Variants in DERA observed in about 807,000 individuals in gnomAD.
DERA encodes 2-deoxy-D-ribose 5-phosphate aldolase.
A neutral mutation model predicts 41.1 loss-of-function variants in DERA; 15 were observed. The observed-to-expected ratio is 0.37, with a 90% CI of 0.24 to 0.56. The LOEUF (loss-of-function observed/expected upper bound fraction) is 0.56, where lower values mean the gene tolerates loss of function less well. DERA is among the 20% of genes least tolerant of loss of function. DERA has a pLI of 0.81. For missense variants in DERA, 396 were observed against 403.4 expected, an observed-to-expected ratio of 0.98 and a Z score of 0.16; for synonymous variants, 139 against 137.4, an observed-to-expected ratio of 1.01 and a Z score of -0.08.
At position 15,983,268 on chromosome 12, in the gene DERA, A is replaced by G. The variant is rs1332822787; in HGVS notation, c.637+832A>G. 6.6e-6 allele frequency among the ~76,000 whole-genome samples: 1 copy of G among 151,954 alleles called. No homozygotes were observed. Among genetic ancestry groups the G allele is most frequent in the Non-Finnish European group, 1.5e-5 (1 of 67,998 alleles). On this transcript the variant is annotated intron_variant, in intron 6 of 8. Transcript: ENST00000428559. This position sits in a 1 kb window ranked among gnomAD's most constrained non-coding sequence, Gnocchi z 6.2. The stretch of plus-strand genomic sequence containing the variant: ...TGGTTTCCCTTCATCTTTATGGTAA[A>G]GTGTACATTCCTTGATTCTTATTTT...
intron 1 of DERA, among the ~76,000 whole-genome samples, chr12:15,934,447 G>A (rs1262855149): frequency 6.6e-6 from 1 of 152,166 alleles, no homozygotes; most frequent in Non-Finnish European, 1.5e-5. Context: ...TTAGCTGTGC[G>A]TGGTGGTGGG....
rs1198362992 is a variant in DERA at position 15,918,213 on chromosome 12, G to T, written c.31+6799G>T. Among the ~76,000 whole-genome samples the T allele has an allele frequency of 6.6e-6, 1 of 152,162 alleles. No individual in the cohort carries two copies. Among genetic ancestry groups the T allele is most frequent in the Admixed American group, 6.5e-5 (1 of 15,280 alleles). On this transcript the variant is annotated intron_variant, in intron 1 of 8. Transcript: ENST00000428559. The surrounding 1 kb of genome is among the most constrained non-coding windows in gnomAD (Gnocchi z 4.3). The stretch of plus-strand genomic sequence containing the variant: ...TGCCTTCCTCATCCCGCTGGTGCTT[G>T]GTCCCCCACAGCAGGCTGCTGCCTA...
chr12:15,976,451 C>T lies in DERA; in HGVS notation c.509-5857C>T, dbSNP rs1475474333. On this transcript the variant is annotated intron_variant, in intron 5 of 8. Transcript: ENST00000428559. The surrounding 1 kb of genome is among the most constrained non-coding windows in gnomAD (Gnocchi z 4.1). ...TTGCCATGATGTAGCAACATGCAGG[C>T]CAAGAATTTCTCTAGGCCCCAGTGA... Among the ~76,000 whole-genome samples, 1 of 152,088 alleles carries T rather than the reference C, an allele frequency of 6.6e-6. No homozygotes were observed. The highest frequency in any genetic ancestry group is 1.5e-5 in the Non-Finnish European group (1 of 68,024).
Position 16,036,805 on chromosome 12 carries a change from G to A in DERA, c.*59G>A, listed in dbSNP as rs545261253. On this transcript the variant is annotated 3_prime_UTR_variant, in exon 9 of 9. Coordinates refer to ENST00000428559, the MANE Select transcript of DERA (RefSeq NM_015954.4). The surrounding 1 kb of genome is among the most constrained non-coding windows in gnomAD (Gnocchi z 4.9). The stretch of plus-strand genomic sequence containing the variant: ...CAATGTTTAAAAATTATTTTTCTAC[G>A]TAATTGCTAAAATTATTTAATTAAA... The A allele has an allele frequency of 7.9e-6, 10 of 1,261,598 alleles. No individual in the cohort carries two copies. The highest frequency in any genetic ancestry group is 4.5e-5 in the Admixed American group (2 of 44,196). 78.2% of individuals were successfully genotyped at this position (1,261,598 alleles called of 1,614,324 possible).
chr12:15,987,230 C>CTTTTT (rs995016192), intron 6 of DERA, among the ~76,000 whole-genome samples: 8 of 85,352 alleles, frequency 9.4e-5, no homozygotes, highest in Non-Finnish European at 1.9e-4. Context: ...TATATATGTA[C>CTTTTT]TTTTTTTTTT....
intron 1 of DERA, among the ~76,000 whole-genome samples, chr12:15,932,523 G>A (rs115461213): frequency 2.0e-5 from 3 of 151,930 alleles, no homozygotes; most frequent in Admixed American, 2.0e-4. Context: ...GGTGGTGCAT[G>A]CCTGTAGTCC....
intron 6 of DERA, among the ~76,000 whole-genome samples, chr12:16,024,834 T>C (rs1949042715): frequency 6.6e-6 from 1 of 152,128 alleles, no homozygotes; most frequent in Non-Finnish European, 1.5e-5. Flanking sequence ...TTAACTGATT[T>C]AAAAGATAAC....
rs1948889288 is a variant in DERA, at chr12:16,003,436, G to A, written c.637+21000G>A. On this transcript the variant is annotated intron_variant, in intron 6 of 8. Coordinates refer to ENST00000428559, the MANE Select transcript of DERA (RefSeq NM_015954.4). The surrounding 1 kb of genome is among the most constrained non-coding windows in gnomAD (Gnocchi z 4.8). ...CTCCAGTTCAATCCACAACAAATGA[G>A]TTCAAAATGAGGAAAGCAAAACTGG... Among the ~76,000 whole-genome samples the A allele has an allele frequency of 6.6e-6, 1 of 152,120 alleles. No homozygotes were observed. Among genetic ancestry groups the A allele is most frequent in the Non-Finnish European group, 1.5e-5 (1 of 68,012 alleles).
intron 6 of DERA, among the ~76,000 whole-genome samples, chr12:15,997,660 TAA>T (rs141096183): frequency 0.064 from 9,788 of 152,268 alleles, 994 homozygotes; most frequent in African/African-American, 0.22. Flanking sequence ...TTTCTCTTTT[TAA>T]ATTTTAACGT....
intron 1 of DERA, among the ~76,000 whole-genome samples, chr12:15,949,474 C>T (rs1370451810): frequency 7.6e-6 from 1 of 132,256 alleles, no homozygotes; most frequent in African/African-American, 2.7e-5. Flanking sequence ...GAGCAAGGCT[C>T]CGTGGGCGTG....
At position 15,918,532 on chromosome 12, in the gene DERA, G is replaced by A. The variant is rs940061421; in HGVS notation, c.31+7118G>A. ...GGTTTAGGACAATCGTTTGGGAAGG[G>A]GAAGGGGGCCAGAATAATTTGTTTT... On this transcript the variant is annotated intron_variant, in intron 1 of 8. Coordinates refer to ENST00000428559, the MANE Select transcript of DERA (RefSeq NM_015954.4). This position sits in a 1 kb window ranked among gnomAD's most constrained non-coding sequence, Gnocchi z 4.3. Among the ~76,000 whole-genome samples the A allele has an allele frequency of 6.6e-6, 1 of 152,166 alleles. No individual in the cohort carries two copies. The highest frequency in any genetic ancestry group is 1.9e-4 in the East Asian group (1 of 5,192).
chr12:16,010,711 T>C lies in DERA; in HGVS notation c.638-21831T>C, dbSNP rs73303385. Among the ~76,000 whole-genome samples the C allele has an allele frequency of 0.022, 3,318 of 152,190 alleles. 113 individuals are homozygous for C. The highest frequency in any genetic ancestry group is 0.076 in the African/African-American group (3,152 of 41,494). On this transcript the variant is annotated intron_variant, in intron 6 of 8. Transcript: ENST00000428559. This position sits in a 1 kb window ranked among gnomAD's most constrained non-coding sequence, Gnocchi z 5.5. ...TGGCCAACCCCAGGGTTCCATATAGTAAATGCTTTCCATTCAGGGCTGTTT... is the reference window on the plus strand; with the variant it reads ...TGGCCAACCCCAGGGTTCCATATAGCAAATGCTTTCCATTCAGGGCTGTTT...
At position 15,983,574 on chromosome 12, in the gene DERA, CG is replaced by C. The variant is rs1310810626; in HGVS notation, c.637+1140del. ...CCATTATCTCCTCTGTGTGTCCCCA[CG>C]GCATTCAAGTAAAAGCCCTATCATA... On this transcript the variant is annotated intron_variant, in intron 6 of 8. Transcript: ENST00000428559. This position sits in a 1 kb window ranked among gnomAD's most constrained non-coding sequence, Gnocchi z 6.2. 6.6e-6 allele frequency among the ~76,000 whole-genome samples: 1 copy of C among 152,192 alleles called. No homozygotes were observed. The highest frequency in any genetic ancestry group is 1.5e-5 in the Non-Finnish European group (1 of 68,040).
At chr12:15,956,439 G>T (rs1345746900) in intron 1 of DERA, 1 of 217,950 alleles carries the variant, frequency 4.6e-6, no homozygotes, top group South Asian at 7.1e-5. Flanking sequence ...GAAAGAATGG[G>T]CTGTATCCTG....
rs929323625 is a variant in DERA, at chr12:16,010,675, A to T, written c.638-21867A>T. Among the ~76,000 whole-genome samples the T allele has an allele frequency of 6.6e-6, 1 of 152,124 alleles. No individual in the cohort carries two copies. The highest frequency in any genetic ancestry group is 1.5e-5 in the Non-Finnish European group (1 of 68,030). ...TAAGTGGTTAGTAAGTGGAGACTGC[A>T]GTCACCTAGATGGCCAACCCCAGGG... On this transcript the variant is annotated intron_variant, in intron 6 of 8. Transcript: ENST00000428559. This position sits in a 1 kb window ranked among gnomAD's most constrained non-coding sequence, Gnocchi z 5.5.
At chr12:16,032,465 C>A in intron 6 of DERA, 77 bp from the exon 7 acceptor site, 2 of 824,320 alleles carry the variant, frequency 2.4e-6, no homozygotes, top group South Asian at 2.1e-5. Flanking sequence ...ATTTACACAA[C>A]TCATTTCTCC....
chr12:16,020,603 G>A lies in DERA; in HGVS notation c.638-11939G>A, dbSNP rs1279680561. Among the ~76,000 whole-genome samples the A allele has an allele frequency of 6.6e-6, 1 of 152,216 alleles. No individual in the cohort carries two copies. The highest frequency in any genetic ancestry group is 2.1e-4 in the South Asian group (1 of 4,836). On this transcript the variant is annotated intron_variant, in intron 6 of 8. Transcript: ENST00000428559. This position sits in a 1 kb window ranked among gnomAD's most constrained non-coding sequence, Gnocchi z 5.5. ...CAGCTTTGGAACTGGGTAATGGAGA[G>A]GTTGGAAGAGTTTGGAGGGCCCAGA... is the stretch of plus-strand genomic sequence containing the variant.
chr12:15,922,925 G>A lies in DERA; in HGVS notation c.31+11511G>A, dbSNP rs554720049. Reference sequence around the variant, plus strand: ...ATAATGGGGGAGGCTATGCATGTGTGGGGCAAAGCTTGTGTGGGAAATCTC... The same window carrying A: ...ATAATGGGGGAGGCTATGCATGTGTAGGGCAAAGCTTGTGTGGGAAATCTC... On this transcript the variant is annotated intron_variant, in intron 1 of 8. Coordinates refer to ENST00000428559, the MANE Select transcript of DERA (RefSeq NM_015954.4). The surrounding 1 kb of genome is among the most constrained non-coding windows in gnomAD (Gnocchi z 4.9). Among the ~76,000 whole-genome samples the A allele has an allele frequency of 6.6e-6, 1 of 151,584 alleles. No individual in the cohort carries two copies. Among genetic ancestry groups the A allele is most frequent in the Non-Finnish European group, 1.5e-5 (1 of 67,714 alleles).
chr12:15,946,492 C>G (rs890618644), intron 1 of DERA, among the ~76,000 whole-genome samples: 56 of 152,192 alleles, frequency 3.7e-4, no homozygotes, highest in Non-Finnish European at 6.5e-4. Flanking sequence ...TCCATTTCTT[C>G]TAGATTTTCT....
Sources: allele counts gnomAD v4.1 joint callset (sites outside exome capture counted in the v4.1 genomes callset), GRCh38; gene constraint gnomAD v4.1.1; non-coding constraint Gnocchi (gnomAD v3.1); transcripts MANE v1.5; gene names NCBI Gene and HGNC (gene_info 2026-07-23, HGNC 2026-07-21).